PLXNA4: variants seen among roughly 807,000 people sequenced by gnomAD.
The protein encoded by PLXNA4 is plexin A4, also known as plexin-A4.
PLXNA4 carries 44 observed loss-of-function variants against 191.8 expected under a neutral mutation model. The observed-to-expected ratio is 0.23, with a 90% CI of 0.18 to 0.29. The LOEUF is 0.29. Among genes scored for constraint, PLXNA4 ranks in the 10% least tolerant of loss-of-function variants. PLXNA4 has a pLI of 1.00. For missense variants in PLXNA4, 1,800 were observed against 2,488.8 expected, an observed-to-expected ratio of 0.72 and a Z score of 5.89; for synonymous variants, 1,082 against 1,009.5, an observed-to-expected ratio of 1.07 and a Z score of -1.36.
chr7:132,373,324 C>G (rs1212573200), intron 3 of PLXNA4, among the ~76,000 whole-genome samples: 2 of 152,128 alleles, frequency 1.3e-5, no homozygotes, highest in Admixed American at 6.5e-5. Flanking sequence ...TCTCCAAGGT[C>G]TGGAGAAGTC....
chr7:132,321,760 A>C (rs1436999073), intron 3 of PLXNA4, among the ~76,000 whole-genome samples: 1 of 152,132 alleles, frequency 6.6e-6, no homozygotes, highest in Non-Finnish European at 1.5e-5. Flanking sequence ...GGAGGGGCAA[A>C]AAGGAGGCCC....
intron 13 of PLXNA4, among the ~76,000 whole-genome samples, chr7:132,197,996 T>C (rs754561268): frequency 1.3e-5 from 2 of 152,144 alleles, no homozygotes; most frequent in Non-Finnish European, 2.9e-5. Context: ...TCAAGGTCTT[T>C]TGCTGAATGA....
At chr7:132,204,464 C>T (rs1419410992) in intron 10 of PLXNA4, among the ~76,000 whole-genome samples, 1 of 152,214 alleles carries the variant, frequency 6.6e-6, no homozygotes, top group Non-Finnish European at 1.5e-5. Flanking sequence ...AGATTTTCTG[C>T]ATGGGAGGGG....
At chr7:132,629,743 A>AT in intron 2 of PLXNA4, among the ~76,000 whole-genome samples, 1 of 152,058 alleles carries the variant, frequency 6.6e-6, no homozygotes, top group Non-Finnish European at 1.5e-5. Flanking sequence ...GGCCAACTTG[A>AT]TTTTCAGTAA....
intron 3 of PLXNA4, among the ~76,000 whole-genome samples, chr7:132,475,028 C>T (rs1293957968): frequency 6.6e-6 from 1 of 152,160 alleles, no homozygotes; most frequent in Non-Finnish European, 1.5e-5. Flanking sequence ...TTGTCCCAAA[C>T]CAGAAGTGCA....
At chr7:132,373,664 AAC>A (rs1382485573) in intron 3 of PLXNA4, among the ~76,000 whole-genome samples, 1 of 152,216 alleles carries the variant, frequency 6.6e-6, no homozygotes, top group African/African-American at 2.4e-5. Flanking sequence ...ACTGTGAGGA[AAC>A]AGCTCTTGGA....
At chr7:132,436,096 C>T (rs546159817) in intron 3 of PLXNA4, among the ~76,000 whole-genome samples, 10 of 152,228 alleles carry the variant, frequency 6.6e-5, no homozygotes, top group Non-Finnish European at 1.3e-4. Flanking sequence ...CAGAGGCTGG[C>T]AACTTGTCAA....
At chr7:132,285,718 T>C (rs1463126050) in intron 4 of PLXNA4, among the ~76,000 whole-genome samples, 3 of 152,254 alleles carry the variant, frequency 2.0e-5, no homozygotes. Context: ...CCATTGATAT[T>C]CAAACGGAGT....
Position 132,369,096 on chromosome 7 carries a change from G to C in PLXNA4, c.1372-70874C>G, listed in dbSNP as rs144551585. ...GATGTGTCTGGCTGCTCAGAGCCCAGAGCCTCTCCCAGCCCTTTCACAGAA... is the reference window on the plus strand; with the variant it reads ...GATGTGTCTGGCTGCTCAGAGCCCACAGCCTCTCCCAGCCCTTTCACAGAA... On this transcript the variant is annotated intron_variant, in intron 3 of 31. Coordinates refer to ENST00000321063, the MANE Select transcript of PLXNA4 (RefSeq NM_020911.2). Among the ~76,000 whole-genome samples, 314 of 152,250 alleles carry C rather than the reference G, an allele frequency of 2.1e-3. 3 individuals carry two copies. The highest frequency in any genetic ancestry group is 0.014 in the Middle Eastern group (4 of 294).
rs1424492540 is a variant in PLXNA4 at position 132,125,763 on chromosome 7, G to A, written c.*4716C>T. The A allele has an allele frequency of 6.6e-6, 1 of 152,148 alleles. No individual in the cohort carries two copies. The highest frequency in any genetic ancestry group is 1.5e-5 in the Non-Finnish European group (1 of 68,130). 9.4% of individuals were successfully genotyped at this position (152,148 alleles called of 1,614,324 possible). A position where few individuals can be genotyped will look rare whatever the true frequency, so the allele number is the denominator to read the frequency against. ...GATTTGGGGCATGGGGAGAAGCCAGGGCACGGAGCTGCCTGGGGTAGGTCT... is the reference window on the plus strand; with the variant it reads ...GATTTGGGGCATGGGGAGAAGCCAGAGCACGGAGCTGCCTGGGGTAGGTCT... On this transcript the variant is annotated 3_prime_UTR_variant, in exon 32 of 32. Transcript: ENST00000321063.
At chr7:132,193,970 G>A (rs551777966) in intron 14 of PLXNA4, 92 bp downstream of exon 14, 3 of 1,499,150 alleles carry the variant, frequency 2.0e-6, no homozygotes, top group African/African-American at 2.7e-5. Context: ...CCTTGCCCTG[G>A]GTTTGCTCAC....
chr7:132,345,156 T>A (rs981524815), intron 3 of PLXNA4, among the ~76,000 whole-genome samples: 1 of 152,128 alleles, frequency 6.6e-6, no homozygotes, highest in African/African-American at 2.4e-5. Flanking sequence ...AATAATAAAA[T>A]ACAGGCAAAA....
At chr7:132,381,293 T>G (rs947485609) in intron 3 of PLXNA4, among the ~76,000 whole-genome samples, 3 of 152,176 alleles carry the variant, frequency 2.0e-5, no homozygotes, top group African/African-American at 4.8e-5. Flanking sequence ...TCTTGTCCCT[T>G]CTAGATATGA....
intron 2 of PLXNA4, among the ~76,000 whole-genome samples, chr7:132,610,160 A>T (rs1803018335): frequency 6.6e-6 from 1 of 152,198 alleles, no homozygotes; most frequent in South Asian, 2.1e-4. Flanking sequence ...ACCCGAGCAG[A>T]GAGTGAAATA....
intron 3 of PLXNA4, among the ~76,000 whole-genome samples, chr7:132,302,788 C>G (rs540743141): frequency 3.9e-5 from 6 of 152,074 alleles, no homozygotes; most frequent in African/African-American, 1.4e-4. Context: ...ACACACTGAC[C>G]AGTGGCCATG....
At chr7:132,220,810 CTT>C (rs35090579) in intron 9 of PLXNA4, among the ~76,000 whole-genome samples, 1,519 of 100,790 alleles carry the variant, frequency 0.015, 28 homozygotes, top group African/African-American at 0.052. Flanking sequence ...TTATTTTATT[CTT>C]TTTTTTTTTT....
chr7:132,170,598 G>A (rs1363036399), intron 21 of PLXNA4, among the ~76,000 whole-genome samples: 3 of 152,222 alleles, frequency 2.0e-5, no homozygotes, highest in Non-Finnish European at 1.5e-5. Context: ...TGTGTTCCAG[G>A]CTCAGGGCAA....
intron 28 of PLXNA4, 41 bp from the exon 29 acceptor site, chr7:132,145,329 T>G: frequency 1.2e-6 from 2 of 1,610,462 alleles, no homozygotes; most frequent in Non-Finnish European, 1.7e-6. Context: ...TCGACTCACG[T>G]AGTTCTGAGG....
chr7:132,545,784 T>C (rs2116534156), intron 1 of PLXNA4, among the ~76,000 whole-genome samples: 1 of 152,280 alleles, frequency 6.6e-6, no homozygotes, highest in East Asian at 1.9e-4. Flanking sequence ...GAAAAACCAG[T>C]GTTGCTGTAG....
Sources: gnomAD v4.1 joint callset for allele counts (sites outside exome capture counted in the v4.1 genomes callset) on GRCh38, gnomAD v4.1.1 for gene constraint, MANE v1.5 for transcripts, NCBI Gene and HGNC (gene_info 2026-07-23, HGNC 2026-07-21) for gene names.